The following NFIB variants were observed in gnomAD, a reference collection of about 807,000 sequenced individuals.
The protein encoded by NFIB is nuclear factor I B.
In NFIB, 11 loss-of-function variants were observed where a neutral mutation model predicts 61.5. That is an observed-to-expected ratio of 0.18 (90% confidence interval 0.11 to 0.30). NFIB has a LOEUF of 0.30. Ranked by LOEUF, NFIB falls within the 10% of genes least tolerant of loss-of-function variation. The pLI, the probability that NFIB is intolerant of heterozygous loss-of-function variation, is 1.00. For missense variants in NFIB, 471 were observed against 608.9 expected (o/e 0.77, Z 2.38); for synonymous variants, 260 against 216.5 (o/e 1.20, Z -1.76).
At chr9:14,216,530 CTCTCTCTCTCTCCCTCTGTGTG>C (rs1411496740) in intron 2 of NFIB, among the ~76,000 whole-genome samples, 217 of 54,598 alleles carry the variant, frequency 4.0e-3, no homozygotes, top group African/African-American at 8.9e-3. Context: ...CTCTCTCTCT[CTCTCTCTCTCTCCCTCTGTGTG>C]TGTGTGTGTG....
At chr9:14,492,402 TA>T in the NFIB span, among the ~76,000 whole-genome samples, 1 of 145,846 alleles carries the variant, frequency 6.9e-6, no homozygotes, top group African/African-American at 2.5e-5. Context: ...ATTTAAAAAA[TA>T]AAAAGAAATA....
In NFIB at chr9:14,313,832, TTTG is replaced by T. The variant is rs2060407627; in HGVS notation, c.-324_-322del. The T allele has an allele frequency of 7.8e-7, 1 of 1,283,168 alleles. No homozygotes were observed. Among genetic ancestry groups the T allele is most frequent in the African/African-American group, 1.5e-5 (1 of 66,068 alleles). The allele number at this position is 1,283,168 out of a possible 1,614,324, so 79.5% of individuals were successfully genotyped here. A position where few individuals can be genotyped will look rare whatever the true frequency, so the allele number is the denominator to read the frequency against. On this transcript the variant is annotated 5_prime_UTR_variant, in exon 1 of 11. Transcript: ENST00000380953. This position sits in a 1 kb window ranked among gnomAD's most constrained non-coding sequence, Gnocchi z 4.5. ...GCTGCTTTTCGCCTGGGTTTGGGGA[TTTG>T]TTTTCTATTTTGCAGTTGTTGTTGT...
intron 2 of NFIB, among the ~76,000 whole-genome samples, chr9:14,219,381 TAAAAAAAA>T (rs751279935): frequency 6.8e-5 from 5 of 73,504 alleles, no homozygotes; most frequent in Non-Finnish European, 1.2e-4. Context: ...AGCACTAGGG[TAAAAAAAA>T]AAAAAAAAAA....
the NFIB span, among the ~76,000 whole-genome samples, chr9:14,499,652 G>A: frequency 6.6e-6 from 1 of 152,172 alleles, no homozygotes; most frequent in Admixed American, 6.5e-5. Context: ...CTTGTGAAGG[G>A]GAATTGACGG....
At chr9:14,495,421 A>G in the NFIB span, among the ~76,000 whole-genome samples, 21 of 151,196 alleles carry the variant, frequency 1.4e-4, no homozygotes, top group African/African-American at 4.4e-4. Flanking sequence ...CACAGCAGCA[A>G]TAGATTGAAG....
the NFIB span, among the ~76,000 whole-genome samples, chr9:14,431,196 G>C: frequency 2.0e-5 from 3 of 152,140 alleles, no homozygotes; most frequent in Admixed American, 6.5e-5. Context: ...CCCAATGTCA[G>C]CAAACTCTTT....
At position 14,370,630 on chromosome 9, in the gene NFIB, C is replaced by G. The variant is rs564073092; in HGVS notation, c.108+27894G>C. 4.1e-4 allele frequency among the ~76,000 whole-genome samples: 62 copies of G among 152,300 alleles called. No homozygotes were observed. In the South Asian group the frequency reaches 4.6e-3, roughly 11 times the overall value. On this transcript the variant is annotated intron_variant, in intron 1 of 8. Coordinates refer to the NFIB transcript ENST00000380934. ...AGGTAAGAAATAACCATGTAAAGAA[C>G]AGATTCATCTCAGGATCACACGACA...
chr9:14,349,944 G>T lies in NFIB; in HGVS notation c.109-42424C>A, dbSNP rs369817595. Among the ~76,000 whole-genome samples, 13 of 152,010 alleles carry T rather than the reference G, an allele frequency of 8.6e-5. No homozygotes were observed. The East Asian group carries it at 1.2e-3, about 14-fold the overall frequency. On this transcript the variant is annotated intron_variant, in intron 1 of 8. Transcript: ENST00000380934. ...GTCCACAGTGGCATTTCCCTTCCCC[G>T]TGTGCCCCTTTCTATACCCACTCAT... is the stretch of plus-strand genomic sequence containing the variant.
chr9:14,295,915 A>C (rs905984139), intron 2 of NFIB, among the ~76,000 whole-genome samples: 1 of 152,200 alleles, frequency 6.6e-6, no homozygotes, highest in Non-Finnish European at 1.5e-5. Context: ...TTGATCAATA[A>C]ATTTAGTCTC....
At chr9:14,449,745 C>T in the NFIB span, among the ~76,000 whole-genome samples, 1 of 151,738 alleles carries the variant, frequency 6.6e-6, no homozygotes, top group Non-Finnish European at 1.5e-5. Flanking sequence ...GCCTGGCCAA[C>T]AAGGTGAAAC....
the NFIB span, among the ~76,000 whole-genome samples, chr9:14,417,938 C>A: frequency 6.6e-6 from 1 of 151,960 alleles, no homozygotes; most frequent in Non-Finnish European, 1.5e-5. Context: ...CCCCCACGCC[C>A]AGCTAATTTC....
the NFIB span, among the ~76,000 whole-genome samples, chr9:14,462,537 C>A: frequency 6.6e-6 from 1 of 152,250 alleles, no homozygotes; most frequent in East Asian, 1.9e-4. Context: ...CCGCCTCGGC[C>A]TCCCAAAGTG....
At chr9:14,114,246 A>G in intron 9 of NFIB, among the ~76,000 whole-genome samples, 1 of 152,190 alleles carries the variant, frequency 6.6e-6, no homozygotes, top group East Asian at 1.9e-4. Flanking sequence ...GAATAAGGGG[A>G]CATGCAAGGC....
At chr9:14,384,610 G>A (rs2061528086) in intron 1 of NFIB, among the ~76,000 whole-genome samples, 1 of 152,162 alleles carries the variant, frequency 6.6e-6, no homozygotes, top group African/African-American at 2.4e-5. Flanking sequence ...TACGTTGAAG[G>A]TTAATATCCA....
intron 2 of NFIB, among the ~76,000 whole-genome samples, chr9:14,256,038 G>C (rs557075421): frequency 2.0e-5 from 3 of 152,322 alleles, no homozygotes; most frequent in East Asian, 3.9e-4. Context: ...CATGTGCAAA[G>C]GGAAGCTACC....
At chr9:14,512,399 C>T in the NFIB span, among the ~76,000 whole-genome samples, 1 of 66,080 alleles carries the variant, frequency 1.5e-5, no homozygotes, top group Non-Finnish European at 4.1e-5. Flanking sequence ...ACTTTCATTA[C>T]TAAGTAATGA....
intron 2 of NFIB, among the ~76,000 whole-genome samples, chr9:14,185,550 C>T (rs148410587): frequency 3.9e-5 from 6 of 152,232 alleles, no homozygotes; most frequent in Non-Finnish European, 7.4e-5. Context: ...CCCTTTACAT[C>T]CTCAACAATA....
intron 1 of NFIB, among the ~76,000 whole-genome samples, chr9:14,346,140 G>A (rs1004973308): frequency 1.3e-5 from 2 of 152,110 alleles, no homozygotes; most frequent in Non-Finnish European, 2.9e-5. Context: ...CGGGGGGCGC[G>A]TGGGGCACGT....
chr9:14,326,186 A>G (rs1286819892), intron 1 of NFIB, among the ~76,000 whole-genome samples: 1 of 152,224 alleles, frequency 6.6e-6, no homozygotes, highest in Admixed American at 6.5e-5. Context: ...AAGTCATGGT[A>G]ATAATTTGTA....
Sources: allele counts gnomAD v4.1 joint callset (sites outside exome capture counted in the v4.1 genomes callset), GRCh38; gene constraint gnomAD v4.1.1; non-coding constraint Gnocchi (gnomAD v3.1); transcripts MANE v1.5; gene names NCBI Gene and HGNC (gene_info 2026-07-23, HGNC 2026-07-21).